Variants in SPIDR observed in about 807,000 individuals in gnomAD.
SPIDR encodes DNA repair-scaffolding protein.
A neutral mutation model predicts 104.6 loss-of-function variants in SPIDR; 93 were observed. That is an observed-to-expected ratio of 0.89 (90% CI 0.75 to 1.06). The LOEUF (loss-of-function observed/expected upper bound fraction) is 1.06. Among genes scored for constraint, SPIDR ranks in the 50% least tolerant of loss-of-function variants. The pLI, the probability that SPIDR is intolerant of heterozygous loss-of-function variation, is 0.00. For missense variants in SPIDR, 1,154 were observed against 1,111.2 expected (o/e 1.04, Z -0.55); for synonymous variants, 431 against 416.9 (o/e 1.03, Z -0.41).
At position 47,396,527 on chromosome 8, in the gene SPIDR, C is replaced by T. The variant is rs781848107; in HGVS notation, c.677C>T (p.Pro226Leu). 1 of 1,614,014 alleles carries T rather than the reference C, an allele frequency of 6.2e-7. No homozygotes were observed. The highest frequency in any genetic ancestry group is 2.2e-5 in the East Asian group (1 of 44,862). The change falls in exon 6 of 20, where the codon CCA (proline) becomes CTA (leucine). Residue 226 changes from proline to leucine, a missense_variant. Coordinates refer to ENST00000297423, the MANE Select transcript of SPIDR (RefSeq NM_001080394.4). ...ARQIMERLID[P>L]RTKSTETILH... ...CAGATTATGGAGAGACTGATAGATC[C>T]AAGGACAAAATCAACAGAGACCATT...
At chr8:47,666,726 T>G (rs2074985868) in intron 10 of SPIDR, among the ~76,000 whole-genome samples, 1 of 152,168 alleles carries the variant, frequency 6.6e-6, no homozygotes, top group Non-Finnish European at 1.5e-5. Flanking sequence ...TGAAAAAAAT[T>G]AATGTTTGTA....
chr8:47,481,681 A>G (rs868965780), intron 8 of SPIDR, among the ~76,000 whole-genome samples: 10 of 152,218 alleles, frequency 6.6e-5, no homozygotes, highest in African/African-American at 2.4e-4. Flanking sequence ...AAAGGAAAAA[A>G]AAGAACTTGG....
At chr8:47,476,983 T>G (rs1279696418) in intron 8 of SPIDR, among the ~76,000 whole-genome samples, 3 of 152,214 alleles carry the variant, frequency 2.0e-5, no homozygotes, top group Admixed American at 2.0e-4. Context: ...TGAGAACAAT[T>G]TCTGTTAATA....
chr8:47,283,219 C>T (rs891872602), intron 2 of SPIDR, among the ~76,000 whole-genome samples: 4 of 151,978 alleles, frequency 2.6e-5, no homozygotes, highest in Admixed American at 2.0e-4. Context: ...CACTTTGAGG[C>T]GATTGTAAGG....
At chr8:47,347,349 G>A (rs140850543) in intron 5 of SPIDR, among the ~76,000 whole-genome samples, 4,303 of 152,204 alleles carry the variant, frequency 0.028, 192 homozygotes, top group African/African-American at 0.097. Context: ...CATTTGCTGC[G>A]GAGTGCTTTA....
intron 8 of SPIDR, among the ~76,000 whole-genome samples, chr8:47,496,674 G>A (rs1476772094): frequency 1.3e-5 from 2 of 148,500 alleles, no homozygotes; most frequent in African/African-American, 2.5e-5. Context: ...TTTTATTTTG[G>A]TGTGAGAGTA....
chr8:47,708,484 A>G (rs2081390929), intron 14 of SPIDR, among the ~76,000 whole-genome samples: 1 of 152,172 alleles, frequency 6.6e-6, no homozygotes, highest in African/African-American at 2.4e-5. Context: ...CCCTACCAGG[A>G]CAGCACATTG....
At chr8:47,365,276 C>T (rs2056976673) in intron 5 of SPIDR, among the ~76,000 whole-genome samples, 1 of 152,206 alleles carries the variant, frequency 6.6e-6, no homozygotes, top group East Asian at 1.9e-4. Flanking sequence ...GAAGCCTCCT[C>T]ACACCTGTCC....
At chr8:47,336,219 C>T (rs2049713740) in intron 5 of SPIDR, among the ~76,000 whole-genome samples, 2 of 152,274 alleles carry the variant, frequency 1.3e-5, no homozygotes, top group African/African-American at 4.8e-5. Context: ...CTGTTCACCA[C>T]TTGTTTTATG....
chr8:47,444,030 A>G (rs999861906), intron 8 of SPIDR, among the ~76,000 whole-genome samples: 3 of 152,172 alleles, frequency 2.0e-5, no homozygotes, highest in Non-Finnish European at 2.9e-5. Flanking sequence ...ACCAACTTAC[A>G]AAAAAATGCA....
chr8:47,368,343 CAAAAAAAAAAAAAAAAAAAAAAAAAAAAA>C (rs34106189), intron 5 of SPIDR, among the ~76,000 whole-genome samples: 57 of 49,420 alleles, frequency 1.2e-3, no homozygotes, highest in East Asian at 4.9e-3. Context: ...GTTGAGAAGT[CAAAAAAAAAAAAAAAAAAAAAAAAAAAAA>C]AAAAAAAAAA....
At chr8:47,519,387 CACCT>C (rs2083673181) in intron 8 of SPIDR, among the ~76,000 whole-genome samples, 1 of 152,268 alleles carries the variant, frequency 6.6e-6, no homozygotes, top group African/African-American at 2.4e-5. Flanking sequence ...TCAGGTGACA[CACCT>C]ACCTCAGTCT....
intron 5 of SPIDR, among the ~76,000 whole-genome samples, chr8:47,370,439 ATTTTTTT>A (rs34220804): frequency 0.029 from 2,899 of 99,094 alleles, 44 homozygotes; most frequent in Non-Finnish European, 0.043. Flanking sequence ...AGAGGTCAAG[ATTTTTTT>A]TTTTTTTTTT....
At chr8:47,498,065 A>G (rs1040873215) in intron 8 of SPIDR, among the ~76,000 whole-genome samples, 1 of 152,224 alleles carries the variant, frequency 6.6e-6, no homozygotes, top group South Asian at 2.1e-4. Flanking sequence ...TGAATTGACT[A>G]TAACATCAAT....
intron 8 of SPIDR, among the ~76,000 whole-genome samples, chr8:47,489,417 G>T (rs909015502): frequency 2.6e-5 from 4 of 152,126 alleles, no homozygotes; most frequent in African/African-American, 9.7e-5. Context: ...TGGGAAAATG[G>T]CCATACTGCC....
intron 5 of SPIDR, among the ~76,000 whole-genome samples, chr8:47,321,137 A>G (rs139525705): frequency 0.026 from 4,020 of 152,262 alleles, 287 homozygotes; most frequent in Admixed American, 0.15. Context: ...TCAATTAGGA[A>G]AAGAGGAAGT....
In SPIDR at chr8:47,279,899, C is replaced by T. The variant is rs1445803932; in HGVS notation, c.71C>T (p.Pro24Leu). The T allele has an allele frequency of 5.6e-6, 9 of 1,613,608 alleles. No homozygotes were observed. The African/African-American group carries it at 1.2e-4, about 22-fold the overall frequency. The change falls in exon 2 of 20, where the codon CCA (proline) becomes CTA (leucine). Residue 24 changes from proline to leucine, a missense_variant. By Grantham distance (98) the Pro-to-Leu change is moderately conservative. Transcript: ENST00000297423. ...TGGAATACAGAATGCCCATCCTTTC[C>T]AGGAGAAAGACCACTGCAGGTCAGA... Reference protein sequence around the residue: ...RSWNTECPSFPGERPLQVRRA... With the variant: ...RSWNTECPSFLGERPLQVRRA...
chr8:47,685,499 TTA>T (rs1270424805), intron 11 of SPIDR, among the ~76,000 whole-genome samples: 3 of 132,794 alleles, frequency 2.3e-5, no homozygotes, highest in African/African-American at 2.5e-5. Flanking sequence ...ATTTATTTAT[TTA>T]TTTATTTATT....
intron 8 of SPIDR, among the ~76,000 whole-genome samples, chr8:47,534,939 A>G (rs2086655181): frequency 6.6e-6 from 1 of 152,148 alleles, no homozygotes; most frequent in Non-Finnish European, 1.5e-5. Context: ...GAAATTACTA[A>G]TATCCACAGT....
Sources: allele counts gnomAD v4.1 joint callset (sites outside exome capture counted in the v4.1 genomes callset), GRCh38; gene constraint gnomAD v4.1.1; transcripts MANE v1.5; gene names NCBI Gene and HGNC (gene_info 2026-07-23, HGNC 2026-07-21).